The following SORCS1 variants were observed in gnomAD, a reference collection of about 807,000 sequenced individuals.
SORCS1 encodes the protein VPS10 domain-containing receptor SorCS1.
In SORCS1, 60 loss-of-function variants were observed where a neutral mutation model predicts 146.1. That is an observed-to-expected ratio of 0.41 (90% CI 0.33 to 0.51). The LOEUF is 0.51. Among genes scored for constraint, SORCS1 ranks in the 20% least tolerant of loss-of-function variants. SORCS1 has a pLI of 0.21. For missense variants in SORCS1, 1,352 were observed against 1,487.6 expected, an observed-to-expected ratio of 0.91 and a Z score of 1.50; for synonymous variants, 637 against 584.0, an observed-to-expected ratio of 1.09 and a Z score of -1.31.
chr10:106,805,890 C>A (rs1281499690), intron 3 of SORCS1, among the ~76,000 whole-genome samples: 2 of 149,782 alleles, frequency 1.3e-5, no homozygotes, highest in Non-Finnish European at 3.0e-5. Context: ...AACCCCGTCT[C>A]TACTAAAAAA....
At position 107,164,365 on chromosome 10, in the gene SORCS1, C is replaced by T. The variant is rs766132330; in HGVS notation, c.162G>A (p.Arg54=). 1.5e-5 allele frequency: 22 copies of T among 1,497,050 alleles called. No homozygotes were observed. The highest frequency in any genetic ancestry group is 6.4e-5 in the South Asian group (5 of 78,474). 92.7% of individuals were successfully genotyped at this position (1,497,050 alleles called of 1,614,324 possible). ...SSAPRSASTP[R]GFSHQGRPGR... ...CTGGCCGCCCCTGGTGGGAAAAGCC[C>T]CTAGGGGTCGAGGCCGAGCGTGGAG... The change falls in exon 1 of 26, where the codon AGG becomes AGA. Residue 54 remains arginine, a synonymous_variant. Coordinates refer to ENST00000263054, the MANE Select transcript of SORCS1 (RefSeq NM_052918.5). This position sits in a 1 kb window ranked among gnomAD's most constrained non-coding sequence, Gnocchi z 6.8.
intron 1 of SORCS1, among the ~76,000 whole-genome samples, chr10:107,123,077 C>CAAAAAAAAAAAAAAAAAAGAA (rs1966499694): frequency 1.3e-5 from 1 of 79,130 alleles, no homozygotes; most frequent in African/African-American, 3.9e-5. Flanking sequence ...GACAAACTGG[C>CAAAAAAAAAAAAAAAAAAGAA]AAAAAAAAAA....
At chr10:107,178,360 C>G in the SORCS1 span, among the ~76,000 whole-genome samples, 1 of 152,032 alleles carries the variant, frequency 6.6e-6, no homozygotes. Flanking sequence ...TTTTTAAGCT[C>G]CCACAAATGA....
At chr10:106,860,772 C>T (rs541891177) in intron 2 of SORCS1, among the ~76,000 whole-genome samples, 4 of 152,314 alleles carry the variant, frequency 2.6e-5, no homozygotes, top group African/African-American at 7.2e-5. Context: ...CCAGAACTTA[C>T]ATCACCTGCC....
chr10:106,667,672 C>T lies in SORCS1; in HGVS notation c.2303+17G>A. ...AGCAAAGGTTGGCCTCTCAAGGTCACTACTCCAGACACTTACCCAGTACTA... is the reference window on the plus strand; with the variant it reads ...AGCAAAGGTTGGCCTCTCAAGGTCATTACTCCAGACACTTACCCAGTACTA... On this transcript the variant is annotated intron_variant, in intron 17 of 25. Transcript: ENST00000263054. 6.3e-7 allele frequency: 1 copy of T among 1,597,540 alleles called. No individual in the cohort carries two copies.
intron 4 of SORCS1, among the ~76,000 whole-genome samples, chr10:106,771,658 C>T (rs1398829575): frequency 6.6e-6 from 1 of 152,168 alleles, no homozygotes; most frequent in East Asian, 1.9e-4. Context: ...TTCATACTTT[C>T]CACAAGGATT....
chr10:107,046,012 T>C (rs1452223725), intron 1 of SORCS1, among the ~76,000 whole-genome samples: 1 of 151,926 alleles, frequency 6.6e-6, no homozygotes, highest in Non-Finnish European at 1.5e-5. Flanking sequence ...AGTGGTGCGA[T>C]CTCGGCTCAC....
At chr10:106,706,224 A>G (rs930787282) in intron 8 of SORCS1, among the ~76,000 whole-genome samples, 41 of 150,894 alleles carry the variant, frequency 2.7e-4, no homozygotes, top group African/African-American at 9.5e-4. Context: ...AAAGAAAGAG[A>G]AAAAGAGAAA....
At position 106,629,287 on chromosome 10, in the gene SORCS1, A is replaced by T; in HGVS notation, c.2577T>A (p.Tyr859Ter). 1 of 1,614,144 alleles carries T rather than the reference A, an allele frequency of 6.2e-7. No individual in the cohort carries two copies. Reference sequence around the variant, plus strand: ...TCACACGGAAAATGCCCACGTTCTGATAGACGTGTTTGATCCCATCTTCCA... The same window carrying T: ...TCACACGGAAAATGCCCACGTTCTGTTAGACGTGTTTGATCCCATCTTCCA... ...SSMEDGIKHV[Y>*]QNVGIFRVTV... Residue 859 changes from tyrosine (Y) to a stop codon, truncating the protein, a stop_gained, in exon 19 of 26, where the codon TAT (tyrosine) becomes TAA (stop). Transcript: ENST00000263054. LOFTEE classifies it high-confidence loss of function.
intron 1 of SORCS1, among the ~76,000 whole-genome samples, chr10:107,138,726 TAGG>T (rs1967548954): frequency 1.3e-5 from 2 of 152,324 alleles, no homozygotes; most frequent in South Asian, 4.1e-4. Flanking sequence ...CTTAAAATTT[TAGG>T]AGATTTCTCA....
intron 2 of SORCS1, among the ~76,000 whole-genome samples, chr10:106,945,347 TTC>T: frequency 6.6e-6 from 1 of 152,320 alleles, no homozygotes; most frequent in South Asian, 2.1e-4. Flanking sequence ...TCTTCTGACT[TTC>T]TTTGTGCCCA....
chr10:107,160,723 T>C (rs1055009085), intron 1 of SORCS1, among the ~76,000 whole-genome samples: 5 of 152,102 alleles, frequency 3.3e-5, no homozygotes, highest in Non-Finnish European at 5.9e-5. Flanking sequence ...CATAAAAATA[T>C]GAAAAAGAGA....
At chr10:106,896,724 C>T (rs1951494711) in intron 2 of SORCS1, among the ~76,000 whole-genome samples, 1 of 151,118 alleles carries the variant, frequency 6.6e-6, no homozygotes, top group South Asian at 2.1e-4. Context: ...TGGAAACTTT[C>T]CCCAACTAAA....
Position 106,577,468 on chromosome 10 carries a change from C to CGGAGTG in SORCS1, c.3453_3458dup (p.Thr1152_Pro1153dup). 7.1e-7 allele frequency: 1 copy of CGGAGTG among 1,410,132 alleles called. No homozygotes were observed. The highest frequency in any genetic ancestry group is 9.5e-7 in the Non-Finnish European group (1 of 1,052,020). 87.4% of individuals were successfully genotyped at this position (1,410,132 alleles called of 1,614,324 possible). ...CAGATCCCCGCTTTGGCGTTGAAGG[C>CGGAGTG]GGAGTGGCGTGTCTTGCTCTTTGCA... On this transcript the variant is annotated inframe_insertion, in exon 26 of 26. Coordinates refer to ENST00000263054, the MANE Select transcript of SORCS1 (RefSeq NM_052918.5).
intron 5 of SORCS1, among the ~76,000 whole-genome samples, chr10:106,752,823 C>A (rs1858358103): frequency 6.6e-6 from 1 of 151,982 alleles, no homozygotes; most frequent in Non-Finnish European, 1.5e-5. Flanking sequence ...AGAACTGACA[C>A]AACTTGGAAA....
chr10:107,060,982 T>C lies in SORCS1; in HGVS notation c.558+102987A>G, dbSNP rs545188830. On this transcript the variant is annotated intron_variant, in intron 1 of 25. Transcript: ENST00000263054. This position sits in a 1 kb window ranked among gnomAD's most constrained non-coding sequence, Gnocchi z 4.1. ...GTTAAATAAAAAAATTTATCTTCTG[T>C]TTCTACTCCAGCCAGATATATCTAT... Among the ~76,000 whole-genome samples, 10 of 152,298 alleles carry C rather than the reference T, an allele frequency of 6.6e-5. No individual in the cohort carries two copies. In the East Asian group the frequency reaches 1.9e-3, roughly 29 times the overall value.
chr10:106,807,810 A>T (rs1947261000), intron 3 of SORCS1, among the ~76,000 whole-genome samples: 1 of 152,240 alleles, frequency 6.6e-6, no homozygotes, highest in African/African-American at 2.4e-5. Flanking sequence ...GAATACATAC[A>T]GTGAGCCCCA....
At chr10:106,836,203 A>G (rs575389432) in intron 2 of SORCS1, among the ~76,000 whole-genome samples, 158 of 151,644 alleles carry the variant, frequency 1.0e-3, no homozygotes, top group Admixed American at 1.6e-3. Flanking sequence ...CGCCGGGCGC[A>G]GTGGCTCACG....
chr10:106,629,224 G>C lies in SORCS1; in HGVS notation c.2640C>G (p.Ala880=). ...QVDNSLGSDS[A]VLYLHVTCPL... is the part of the protein sequence containing the mutation. ...TACAAGTTACATGTAAGTACAGGAC[G>C]GCGCTGTCAGAACCCAGACTGTTGT... is the stretch of plus-strand genomic sequence containing the variant. The change falls in exon 19 of 26, where the codon GCC becomes GCG. Residue 880 remains alanine, a synonymous_variant. Transcript: ENST00000263054. 6.2e-7 allele frequency: 1 copy of C among 1,613,868 alleles called. No individual in the cohort carries two copies. The highest frequency in any genetic ancestry group is 8.5e-7 in the Non-Finnish European group (1 of 1,179,890).
Sources: allele counts gnomAD v4.1 joint callset (sites outside exome capture counted in the v4.1 genomes callset), GRCh38; gene constraint gnomAD v4.1.1; non-coding constraint Gnocchi (gnomAD v3.1); transcripts MANE v1.5; gene names NCBI Gene and HGNC (gene_info 2026-07-23, HGNC 2026-07-21).